Variants in ERC1 observed in about 807,000 individuals in gnomAD.
ERC1 encodes RAB6 interacting protein 2.
ERC1 carries 56 observed loss-of-function variants against 132.0 expected under a neutral mutation model. The ratio of observed to expected loss-of-function variants is 0.42; its 90% CI spans 0.34 to 0.53. ERC1 has a LOEUF of 0.53. ERC1 is among the 20% of genes least tolerant of loss of function. The pLI is 0.03. For missense variants in ERC1, 1,202 were observed against 1,349.9 expected, an observed-to-expected ratio of 0.89 and a Z score of 1.72; for synonymous variants, 478 against 476.1, an observed-to-expected ratio of 1.00 and a Z score of -0.05.
chr12:1,399,506 A>T (rs2090841132), intron 16 of ERC1, among the ~76,000 whole-genome samples: 1 of 152,208 alleles, frequency 6.6e-6, no homozygotes, highest in South Asian at 2.1e-4. Context: ...CACAAATTGA[A>T]AGCATTATTG....
At chr12:1,394,865 C>G (rs147397981) in intron 16 of ERC1, among the ~76,000 whole-genome samples, 12 of 152,318 alleles carry the variant, frequency 7.9e-5, no homozygotes, top group South Asian at 2.1e-4. Flanking sequence ...CAGACTAATA[C>G]ACTCAGCCAC....
intron 2 of ERC1, among the ~76,000 whole-genome samples, chr12:1,033,496 CAG>C (rs893526151): frequency 1.3e-5 from 2 of 149,542 alleles, no homozygotes; most frequent in Admixed American, 6.7e-5. Flanking sequence ...GCTGGAGTCT[CAG>C]TGTTGCCCAG....
chr12:1,290,038 A>C, intron 15 of ERC1, 26 bp downstream of exon 15: 1 of 1,601,428 alleles, frequency 6.2e-7, no homozygotes, highest in Non-Finnish European at 8.6e-7. Flanking sequence ...CTTATTCTTC[A>C]AGCATATGCT....
rs1469505162 is a variant in ERC1 at position 1,121,665 on chromosome 12, A to ATCTGTG, written c.1569+5635_1569+5636insGTGTCT. Among the ~76,000 whole-genome samples, 5 of 59,234 alleles carry ATCTGTG rather than the reference A, an allele frequency of 8.4e-5. 1 individual carries two copies. Among genetic ancestry groups the ATCTGTG allele is most frequent in the African/African-American group, 1.3e-4 (2 of 15,272 alleles). The allele number at this position is 59,234 out of a possible 152,430, so 38.9% of individuals were successfully genotyped here. ...GATCTCTATCTCTATCTCTATCTCT[A>ATCTGTG]TCTCTATCTCTATCTATCTCTATCT... On this transcript the variant is annotated intron_variant, in intron 7 of 18. Transcript: ENST00000360905.
intron 2 of ERC1, among the ~76,000 whole-genome samples, chr12:1,076,380 A>ATTTTTTTT (rs139225685): frequency 7.1e-6 from 1 of 140,886 alleles, no homozygotes. Context: ...TGTAGAACTG[A>ATTTTTTTT]TTTTTTTTTT....
chr12:1,301,672 T>TG (rs1194179011), intron 15 of ERC1, among the ~76,000 whole-genome samples: 1 of 150,228 alleles, frequency 6.7e-6, no homozygotes, highest in Non-Finnish European at 1.5e-5. Context: ...GGGTGGAGAG[T>TG]GGAGGGTGGG....
At chr12:1,164,835 T>G (rs1404752956) in intron 8 of ERC1, among the ~76,000 whole-genome samples, 1 of 152,236 alleles carries the variant, frequency 6.6e-6, no homozygotes, top group East Asian at 1.9e-4. Context: ...GAGTTTTTTT[T>G]GTGCGGTATG....
chr12:1,473,323 G>A (rs143959059), intron 18 of ERC1, among the ~76,000 whole-genome samples: 2,284 of 152,222 alleles, frequency 0.015, 62 homozygotes, highest in African/African-American at 0.052. Context: ...CACTGCGCCC[G>A]GCCCAAACTC....
chr12:1,400,974 C>G (rs1389679767), intron 16 of ERC1, among the ~76,000 whole-genome samples: 6 of 122,548 alleles, frequency 4.9e-5, no homozygotes, highest in Non-Finnish European at 9.6e-5. Context: ...CTTGCTCTAT[C>G]GCCCAGGCTG....
intron 14 of ERC1, among the ~76,000 whole-genome samples, chr12:1,266,855 G>GT (rs1415657047): frequency 6.6e-6 from 1 of 152,080 alleles, no homozygotes; most frequent in African/African-American, 2.4e-5. Flanking sequence ...AAAGTTACCT[G>GT]TTTCTCACTT....
At chr12:1,015,381 T>A (rs1354814822) in intron 1 of ERC1, among the ~76,000 whole-genome samples, 1 of 152,142 alleles carries the variant, frequency 6.6e-6, no homozygotes. Context: ...TTCTTTTTTT[T>A]AAATTAGGAT....
At chr12:1,418,601 T>TTC (rs778422077) in intron 17 of ERC1, among the ~76,000 whole-genome samples, 3 of 41,576 alleles carry the variant, frequency 7.2e-5, no homozygotes, top group African/African-American at 1.1e-4. Context: ...CTTTCTTTCT[T>TTC]TCTTTCTTTC....
intron 16 of ERC1, among the ~76,000 whole-genome samples, chr12:1,405,146 T>TATAAATAAATAAATAA (rs60222703): frequency 0.018 from 2,530 of 142,164 alleles, 40 homozygotes; most frequent in African/African-American, 0.035. Flanking sequence ...GCTCAAAAAA[T>TATAAATAAATAAATAA]ATAAATAAAT....
chr12:1,365,866 G>A (rs533003408), intron 15 of ERC1, among the ~76,000 whole-genome samples: 14 of 152,284 alleles, frequency 9.2e-5, no homozygotes, highest in African/African-American at 2.9e-4. Context: ...TGGTATGTGG[G>A]TGTGGTGGAA....
At chr12:1,378,710 C>T (rs544913112) in intron 16 of ERC1, among the ~76,000 whole-genome samples, 22 of 152,306 alleles carry the variant, frequency 1.4e-4, no homozygotes, top group African/African-American at 4.8e-4. Context: ...TACAGCAGTC[C>T]TCCCTTCCTT....
At chr12:1,184,901 T>C (rs1015937677) in intron 11 of ERC1, among the ~76,000 whole-genome samples, 1 of 152,052 alleles carries the variant, frequency 6.6e-6, no homozygotes, top group Non-Finnish European at 1.5e-5. Flanking sequence ...TACAGACCCA[T>C]GCCACAACAC....
rs1555194875 is a variant in ERC1 at position 1,007,540 on chromosome 12, C to CTCTCTCTCTCTCTGTGTGTGTGTGTG, written c.-157+16219_-157+16220insCTCTCTCTCTCTGTGTGTGTGTGTGT. ...ATTCTCTCTCTCTCTCTCTCTCTCT[C>CTCTCTCTCTCTCTGTGTGTGTGTGTG]TGTGTGTGTGTGTGTGTGTGTGTGT... On this transcript the variant is annotated intron_variant, in intron 1 of 18. Coordinates refer to ENST00000360905, the MANE Select transcript of ERC1 (RefSeq NM_178040.4). Among the ~76,000 whole-genome samples, 5 of 122,784 alleles carry CTCTCTCTCTCTCTGTGTGTGTGTGTG rather than the reference C, an allele frequency of 4.1e-5. No homozygotes were observed. The South Asian group carries it at 7.9e-4, about 19-fold the overall frequency. The allele number at this position is 122,784 out of a possible 152,430, so 80.6% of individuals were successfully genotyped here. A position where few individuals can be genotyped will look rare whatever the true frequency, so the allele number is the denominator to read the frequency against.
intron 18 of ERC1, among the ~76,000 whole-genome samples, chr12:1,480,373 C>T (rs1049586618): frequency 1.5e-4 from 23 of 152,152 alleles, no homozygotes; most frequent in African/African-American, 5.1e-4. Flanking sequence ...ATCTAGGGAG[C>T]TGATTGGGTA....
At chr12:1,249,396 A>G (rs2076341872) in intron 13 of ERC1, among the ~76,000 whole-genome samples, 1 of 152,184 alleles carries the variant, frequency 6.6e-6, no homozygotes, top group African/African-American at 2.4e-5. Flanking sequence ...AAGCCTACCC[A>G]TCTTTTAAGG....
Sources: allele counts gnomAD v4.1 joint callset (sites outside exome capture counted in the v4.1 genomes callset), GRCh38; gene constraint gnomAD v4.1.1; transcripts MANE v1.5; gene names NCBI Gene and HGNC (gene_info 2026-07-23, HGNC 2026-07-21).